The following STK32B variants were observed in gnomAD, a reference collection of about 807,000 sequenced individuals.
STK32B encodes serine/threonine kinase 32B, also known as serine/threonine-protein kinase 32B.
Under a neutral mutation model 52.6 loss-of-function variants are expected in STK32B, and 43 were observed. That is an observed-to-expected ratio of 0.82 (90% CI 0.64 to 1.05). The LOEUF (loss-of-function observed/expected upper bound fraction) is 1.05, where lower values mean the gene tolerates loss of function less well. Among genes scored for constraint, STK32B ranks in the 50% least tolerant of loss-of-function variants. The pLI, the probability that STK32B is intolerant of heterozygous loss-of-function variation, is 0.00. For missense variants in STK32B, 621 were observed against 534.6 expected (o/e 1.16, Z -1.59); for synonymous variants, 238 against 204.3 (o/e 1.17, Z -1.41).
chr4:5,088,848 G>T (rs1471048588), intron 1 of STK32B, among the ~76,000 whole-genome samples: 2 of 151,700 alleles, frequency 1.3e-5, no homozygotes, highest in Non-Finnish European at 2.9e-5. Context: ...AGACAAGGAA[G>T]ATCTCAAATC....
chr4:5,067,704 A>AAC (rs759464841), intron 1 of STK32B, among the ~76,000 whole-genome samples: 5 of 152,264 alleles, frequency 3.3e-5, no homozygotes, highest in Admixed American at 6.5e-5. Flanking sequence ...ACTATAAAGA[A>AAC]ATACCTGAGA....
intron 11 of STK32B, among the ~76,000 whole-genome samples, chr4:5,497,440 C>T (rs1171072570): frequency 6.6e-6 from 1 of 152,236 alleles, no homozygotes; most frequent in Non-Finnish European, 1.5e-5. Context: ...GGGAGCCTCC[C>T]AGCTCTGTCC....
At chr4:5,034,779 A>G in the STK32B span, among the ~76,000 whole-genome samples, 1 of 152,154 alleles carries the variant, frequency 6.6e-6, no homozygotes, top group South Asian at 2.1e-4. Context: ...CTGGAGGGGC[A>G]TCCTGGATTC....
Position 5,202,255 on chromosome 4 carries a change from C to A in STK32B, c.260+33805C>A, listed in dbSNP as rs1326252528. Reference sequence around the variant, plus strand: ...AAATCTTAAAGCTCCAACATAGTCTCCTTTCACTCTGTGTCTCACATCCAA... The same window carrying A: ...AAATCTTAAAGCTCCAACATAGTCTACTTTCACTCTGTGTCTCACATCCAA... On this transcript the variant is annotated intron_variant, in intron 3 of 11. Coordinates refer to ENST00000282908, the MANE Select transcript of STK32B (RefSeq NM_018401.3). 2.0e-5 allele frequency among the ~76,000 whole-genome samples: 3 copies of A among 152,256 alleles called. No individual in the cohort carries two copies. In the East Asian group the frequency reaches 5.8e-4, roughly 29 times the overall value.
chr4:5,370,159 G>T (rs1427862036), intron 4 of STK32B, among the ~76,000 whole-genome samples: 1 of 151,672 alleles, frequency 6.6e-6, no homozygotes, highest in Non-Finnish European at 1.5e-5. Flanking sequence ...ACAGGCGTGA[G>T]CCACCACGCC....
chr4:5,291,792 TTTTG>T (rs1047253597), intron 3 of STK32B, among the ~76,000 whole-genome samples: 23 of 152,102 alleles, frequency 1.5e-4, no homozygotes, highest in Non-Finnish European at 2.6e-4. Context: ...TGTTTTTGTT[TTTTG>T]TTTGTTTGTT....
rs1034225756 is a variant in STK32B at position 5,378,532 on chromosome 4, C to CT, written c.435-19668dup. Among the ~76,000 whole-genome samples, 5 of 151,878 alleles carry CT rather than the reference C, an allele frequency of 3.3e-5. No individual in the cohort carries two copies. The South Asian group carries it at 1.0e-3, about 32-fold the overall frequency. On this transcript the variant is annotated intron_variant, in intron 4 of 11. Coordinates refer to ENST00000282908, the MANE Select transcript of STK32B (RefSeq NM_018401.3). This position sits in a 1 kb window ranked among gnomAD's most constrained non-coding sequence, Gnocchi z 4.4. ...ATGCCCTTTATCTTTCTGTTTTCTT[C>CT]TTTTTTTGCATTCTATAGTATTGAT...
intron 1 of STK32B, among the ~76,000 whole-genome samples, chr4:5,107,774 T>C (rs1560154943): frequency 6.6e-6 from 1 of 152,228 alleles, no homozygotes; most frequent in African/African-American, 2.4e-5. Context: ...TTGGTGTCTT[T>C]ACAGATTCCA....
the STK32B span, among the ~76,000 whole-genome samples, chr4:5,030,061 T>G: frequency 6.6e-5 from 10 of 152,212 alleles, no homozygotes; most frequent in Admixed American, 1.3e-4. Context: ...GATGGTTAAG[T>G]TTCCTGAGGT....
chr4:5,284,326 A>G (rs1577292176), intron 3 of STK32B, among the ~76,000 whole-genome samples: 1 of 152,138 alleles, frequency 6.6e-6, no homozygotes, highest in African/African-American at 2.4e-5. Flanking sequence ...GAACAAGATT[A>G]AGACAAAAGT....
rs544727052 is a variant in STK32B at position 5,142,919 on chromosome 4, G to A, written c.108+2959G>A. ...CATTTGAAGACTTTAGGAGAAAAAG[G>A]CTGACTTCCCTGATGAAGGAGGAAT... On this transcript the variant is annotated intron_variant, in intron 2 of 11. Transcript: ENST00000282908. 3.9e-5 allele frequency among the ~76,000 whole-genome samples: 6 copies of A among 152,284 alleles called. No individual in the cohort carries two copies. The South Asian group carries it at 1.2e-3, about 32-fold the overall frequency.
At chr4:5,043,371 A>G in the STK32B span, among the ~76,000 whole-genome samples, 1 of 152,184 alleles carries the variant, frequency 6.6e-6, no homozygotes, top group African/African-American at 2.4e-5. Flanking sequence ...CAATGCATAC[A>G]TTTACTTAGT....
In STK32B at chr4:5,400,195, C is replaced by T. The variant is rs1263293352; in HGVS notation, c.472+1951C>T. ...ATCCTCACAGACCTTGGCCACAGCT[C>T]CCCTGAAGCTGCTGCACAAAAGATA... On this transcript the variant is annotated intron_variant, in intron 5 of 11. Transcript: ENST00000282908. The surrounding 1 kb of genome is among the most constrained non-coding windows in gnomAD (Gnocchi z 6.1). Among the ~76,000 whole-genome samples, 2 of 152,210 alleles carry T rather than the reference C, an allele frequency of 1.3e-5. No individual in the cohort carries two copies. Among genetic ancestry groups the T allele is most frequent in the Non-Finnish European group, 2.9e-5 (2 of 68,042 alleles).
chr4:5,149,267 G>A (rs1384115442), intron 2 of STK32B, among the ~76,000 whole-genome samples: 2 of 151,494 alleles, frequency 1.3e-5, no homozygotes, highest in African/African-American at 4.8e-5. Flanking sequence ...GTATAGTTAG[G>A]TCTTGCTTTA....
chr4:5,371,554 G>A (rs138818463), intron 4 of STK32B, among the ~76,000 whole-genome samples: 188 of 152,208 alleles, frequency 1.2e-3, no homozygotes, highest in Admixed American at 8.8e-3. Flanking sequence ...TCCCTCGCGC[G>A]GTTGTTGTAA....
intron 5 of STK32B, among the ~76,000 whole-genome samples, chr4:5,403,007 C>A (rs1373405043): frequency 6.6e-6 from 1 of 152,198 alleles, no homozygotes; most frequent in Non-Finnish European, 1.5e-5. Context: ...CAGCAGCTGG[C>A]AATGCAGCAG....
At chr4:5,131,989 C>A (rs187515402) in intron 1 of STK32B, among the ~76,000 whole-genome samples, 2 of 152,132 alleles carry the variant, frequency 1.3e-5, no homozygotes, top group African/African-American at 4.8e-5. Context: ...GTACAGGTAG[C>A]CTTTAATGTA....
At chr4:5,361,903 CATA>C (rs1734571884) in intron 4 of STK32B, among the ~76,000 whole-genome samples, 1 of 152,162 alleles carries the variant, frequency 6.6e-6, no homozygotes, top group African/African-American at 2.4e-5. Flanking sequence ...ACATATAAAA[CATA>C]ATGTCAAAAT....
chr4:5,049,460 G>T (rs866819091), upstream of STK32B, among the ~76,000 whole-genome samples: 26 of 152,168 alleles, frequency 1.7e-4, no homozygotes, highest in Non-Finnish European at 3.2e-4. Context: ...GAGAGTCAGC[G>T]AAGAGAGATA....
Sources: allele counts gnomAD v4.1 joint callset (sites outside exome capture counted in the v4.1 genomes callset), GRCh38; gene constraint gnomAD v4.1.1; non-coding constraint Gnocchi (gnomAD v3.1); transcripts MANE v1.5; gene names NCBI Gene and HGNC (gene_info 2026-07-23, HGNC 2026-07-21).